The following BRINP3 variants were observed in gnomAD, a reference collection of about 807,000 sequenced individuals.
BRINP3 encodes the protein BMP/retinoic acid-inducible neural-specific protein 3.
In BRINP3, 19 loss-of-function variants were observed where a neutral mutation model predicts 71.0. That is an observed-to-expected ratio of 0.27 (90% CI 0.19 to 0.39). The LOEUF is 0.39. BRINP3 is among the 10% of genes least tolerant of loss of function. The probability of loss-of-function intolerance (pLI) is 1.00; values close to 1 mark genes in which losing one functional copy is unlikely to be tolerated. For synonymous variants in BRINP3, 380 were observed against 337.7 expected, an observed-to-expected ratio of 1.13 and a Z score of -1.37; for missense variants, 959 against 940.8, an observed-to-expected ratio of 1.02 and a Z score of -0.25.
intron 4 of BRINP3, among the ~76,000 whole-genome samples, chr1:190,245,846 T>C (rs1571490601): frequency 6.8e-6 from 1 of 147,274 alleles, no homozygotes; most frequent in Admixed American, 7.0e-5. Flanking sequence ...AGTGAGAACA[T>C]GCGGTGTTTG....
intron 4 of BRINP3, among the ~76,000 whole-genome samples, chr1:190,251,256 A>T (rs1660116989): frequency 6.6e-6 from 1 of 151,892 alleles, no homozygotes; most frequent in African/African-American, 2.4e-5. Context: ...TATAACTATG[A>T]GCATAATTTT....
intron 1 of BRINP3, among the ~76,000 whole-genome samples, chr1:190,456,529 T>C (rs1290767651): frequency 1.1e-4 from 17 of 152,090 alleles, no homozygotes; most frequent in Non-Finnish European, 2.4e-4. Flanking sequence ...CATTGTCAAA[T>C]GATTCAACTC....
chr1:190,354,605 C>A (rs1668609633), intron 2 of BRINP3, among the ~76,000 whole-genome samples: 1 of 151,918 alleles, frequency 6.6e-6, no homozygotes, highest in African/African-American at 2.4e-5. Context: ...CTCATTGTCT[C>A]CTCTGTTCCT....
chr1:190,248,910 C>T (rs993601129), intron 4 of BRINP3, among the ~76,000 whole-genome samples: 2 of 151,686 alleles, frequency 1.3e-5, no homozygotes, highest in African/African-American at 2.4e-5. Context: ...ATATATTATT[C>T]TCAAAAGCAA....
chr1:190,254,779 G>A (rs1336701655), intron 4 of BRINP3, among the ~76,000 whole-genome samples: 1 of 152,084 alleles, frequency 6.6e-6, no homozygotes, highest in Non-Finnish European at 1.5e-5. Context: ...TCTCTTGCCT[G>A]ATTGCCCTGG....
At chr1:190,267,898 T>C (rs746597428) in intron 3 of BRINP3, among the ~76,000 whole-genome samples, 1 of 152,002 alleles carries the variant, frequency 6.6e-6, no homozygotes, top group Non-Finnish European at 1.5e-5. Context: ...TATAAAAAAA[T>C]TGATAATACT....
intron 4 of BRINP3, among the ~76,000 whole-genome samples, chr1:190,254,896 A>G (rs1660505864): frequency 1.3e-5 from 2 of 152,004 alleles, no homozygotes; most frequent in African/African-American, 4.8e-5. Context: ...TCAGTATGAT[A>G]TTGTCTGAGT....
In BRINP3 at chr1:190,281,691, G is replaced by C. The variant is rs1385923994; in HGVS notation, c.296C>G (p.Ser99Cys). ...LAVERRNFLG[S>C]PLPLAPEFFR... Reference sequence around the variant, plus strand: ...GAATTCAGGGGCAAGAGGCAGAGGAGAGCCAAGGAAATTTCTTCTCTCAAC... The same window carrying C: ...GAATTCAGGGGCAAGAGGCAGAGGACAGCCAAGGAAATTTCTTCTCTCAAC... Residue 99 changes from serine (S) to cysteine (C), a missense_variant, in exon 3 of 8, where the codon TCT becomes TGT. By Grantham distance (112) the Ser-to-Cys change is moderately radical. Coordinates refer to ENST00000367462, the MANE Select transcript of BRINP3 (RefSeq NM_199051.3). 3 of 1,612,690 alleles carry C rather than the reference G, an allele frequency of 1.9e-6. No homozygotes were observed. Among genetic ancestry groups the C allele is most frequent in the African/African-American group, 2.7e-5 (2 of 74,776 alleles).
At chr1:190,404,038 T>C (rs1030264392) in intron 2 of BRINP3, among the ~76,000 whole-genome samples, 2 of 152,192 alleles carry the variant, frequency 1.3e-5, no homozygotes, top group African/African-American at 2.4e-5. Flanking sequence ...GAAAAAGTTC[T>C]AAGAGAGCTC....
intron 2 of BRINP3, among the ~76,000 whole-genome samples, chr1:190,351,584 A>T (rs1313556176): frequency 6.6e-6 from 1 of 152,222 alleles, no homozygotes; most frequent in East Asian, 1.9e-4. Flanking sequence ...TATAAGAAAA[A>T]TACGCTTTTT....
intron 2 of BRINP3, among the ~76,000 whole-genome samples, chr1:190,373,739 T>C (rs980330712): frequency 1.3e-5 from 2 of 151,722 alleles, no homozygotes; most frequent in African/African-American, 4.8e-5. Flanking sequence ...CTTCAGCTCT[T>C]ATACAGGGGG....
chr1:190,145,254 G>A lies in BRINP3; in HGVS notation c.1184+15414C>T, dbSNP rs1655787864. Among the ~76,000 whole-genome samples the A allele has an allele frequency of 2.0e-5, 3 of 152,130 alleles. No individual in the cohort carries two copies. In the South Asian group the frequency reaches 6.2e-4, roughly 32 times the overall value. On this transcript the variant is annotated intron_variant, in intron 7 of 7. Coordinates refer to ENST00000367462, the MANE Select transcript of BRINP3 (RefSeq NM_199051.3). The stretch of plus-strand genomic sequence containing the variant: ...TATTTGTCCAATGAAATAAAAAATG[G>A]TTACAAGTTCTCAGTAACTTTAACT...
At chr1:190,354,743 C>A (rs189196994) in intron 2 of BRINP3, among the ~76,000 whole-genome samples, 1 of 151,148 alleles carries the variant, frequency 6.6e-6, no homozygotes, top group Non-Finnish European at 1.5e-5. Flanking sequence ...GTTTCCACTG[C>A]CACCGTCTCT....
chr1:190,151,648 G>A lies in BRINP3; in HGVS notation c.1184+9020C>T, dbSNP rs560149224. Among the ~76,000 whole-genome samples the A allele has an allele frequency of 3.3e-5, 5 of 152,112 alleles. No homozygotes were observed. In the South Asian group the frequency reaches 1.0e-3, roughly 31 times the overall value. On this transcript the variant is annotated intron_variant, in intron 7 of 7. Transcript: ENST00000367462. ...TAGTAAATGAATCAGCATTTTATTT[G>A]CTGGCCCTATCAAATTAGAATTTTA...
At chr1:190,129,620 G>A (rs1458663957) in intron 7 of BRINP3, among the ~76,000 whole-genome samples, 3 of 151,932 alleles carry the variant, frequency 2.0e-5, no homozygotes, top group Non-Finnish European at 4.4e-5. Context: ...GATGTGATGA[G>A]GACTTTTAAA....
intron 2 of BRINP3, among the ~76,000 whole-genome samples, chr1:190,291,942 A>G (rs1571650938): frequency 6.6e-6 from 1 of 152,298 alleles, no homozygotes; most frequent in East Asian, 1.9e-4. Flanking sequence ...TATGTACACA[A>G]TGGAGTACTT....
At chr1:190,188,061 G>C (rs1445899999) in intron 6 of BRINP3, among the ~76,000 whole-genome samples, 1 of 151,772 alleles carries the variant, frequency 6.6e-6, no homozygotes, top group African/African-American at 2.4e-5. Context: ...TCTTTTATCA[G>C]TGTTTTATAG....
intron 2 of BRINP3, among the ~76,000 whole-genome samples, chr1:190,426,642 T>G (rs890438604): frequency 1.3e-5 from 2 of 151,868 alleles, no homozygotes; most frequent in Non-Finnish European, 2.9e-5. Flanking sequence ...AATTTGGTTG[T>G]CTCTGGTGGT....
intron 1 of BRINP3, among the ~76,000 whole-genome samples, chr1:190,462,332 A>G (rs1490322443): frequency 1.3e-5 from 2 of 152,148 alleles, no homozygotes; most frequent in Non-Finnish European, 2.9e-5. Context: ...CTGGAAAACT[A>G]AGGACTTTTT....
Sources: gnomAD v4.1 joint callset for allele counts (sites outside exome capture counted in the v4.1 genomes callset) on GRCh38, gnomAD v4.1.1 for gene constraint, MANE v1.5 for transcripts, NCBI Gene and HGNC (gene_info 2026-07-23, HGNC 2026-07-21) for gene names.